TSGA10: variants seen among roughly 807,000 people sequenced by gnomAD.
TSGA10 encodes the protein testis-specific gene 10 protein.
In TSGA10, 43 loss-of-function variants were observed where a neutral mutation model predicts 96.6. The ratio of observed to expected loss-of-function variants is 0.44; its 90% confidence interval spans 0.35 to 0.57. The LOEUF (loss-of-function observed/expected upper bound fraction) is 0.57, where lower values mean the gene tolerates loss of function less well. Ranked by LOEUF, TSGA10 falls within the 20% of genes least tolerant of loss-of-function variation. The pLI is 0.01. For missense variants in TSGA10, 703 were observed against 834.4 expected, an observed-to-expected ratio of 0.84 and a Z score of 1.94; for synonymous variants, 229 against 269.9, an observed-to-expected ratio of 0.85 and a Z score of 1.48.
intron 11 of TSGA10, among the ~76,000 whole-genome samples, chr2:99,080,066 A>T (rs2087253744): frequency 6.6e-6 from 1 of 152,188 alleles, no homozygotes; most frequent in Non-Finnish European, 1.5e-5. Context: ...TCAACCTAAC[A>T]GCCCACTCAA....
chr2:99,047,882 A>AC (rs1272829451), intron 16 of TSGA10, among the ~76,000 whole-genome samples: 1 of 152,220 alleles, frequency 6.6e-6, no homozygotes, highest in Non-Finnish European at 1.5e-5. Context: ...GTCTCAGGAT[A>AC]GAAAATCAAT....
chr2:99,002,387 G>T (rs935924914), intron 20 of TSGA10, among the ~76,000 whole-genome samples: 1 of 152,194 alleles, frequency 6.6e-6, no homozygotes, highest in African/African-American at 2.4e-5. Flanking sequence ...GCCAAACTAA[G>T]CTTCGTAAGT....
At chr2:99,065,241 T>C in intron 15 of TSGA10, 117 bp from the exon 16 acceptor site, 3 of 1,083,524 alleles carry the variant, frequency 2.8e-6, no homozygotes, top group South Asian at 1.7e-5. Context: ...AATAGAACCC[T>C]GAGGAAATAT....
At chr2:99,143,025 TC>T (rs1473151171) in intron 1 of TSGA10, among the ~76,000 whole-genome samples, 1 of 152,076 alleles carries the variant, frequency 6.6e-6, no homozygotes, top group Non-Finnish European at 1.5e-5. Context: ...TCCTTTTTTT[TC>T]CTATCAAGAA....
At chr2:99,078,627 G>A in intron 12 of TSGA10, 32 bp downstream of exon 12, 2 of 1,569,908 alleles carry the variant, frequency 1.3e-6, no homozygotes, top group Middle Eastern at 1.7e-4. Flanking sequence ...TCATTTAAAC[G>A]TTTCTTATAA....
Position 98,997,296 on chromosome 2 carries a change from C to G in TSGA10, c.*901G>C, listed in dbSNP as rs1273376047. The G allele has an allele frequency of 1.3e-5, 2 of 151,720 alleles. No homozygotes were observed. Among genetic ancestry groups the G allele is most frequent in the Non-Finnish European group, 2.9e-5 (2 of 67,860 alleles). 9.4% of individuals were successfully genotyped at this position (151,720 alleles called of 1,614,324 possible). ...GACAAGCCTTTTTTTATTAAAATGGCAAGAATACAAATAGTTTATATCAGT... is the reference window on the plus strand; with the variant it reads ...GACAAGCCTTTTTTTATTAAAATGGGAAGAATACAAATAGTTTATATCAGT... On this transcript the variant is annotated 3_prime_UTR_variant, in exon 21 of 21. Coordinates refer to ENST00000393483, the MANE Select transcript of TSGA10 (RefSeq NM_025244.4).
intron 10 of TSGA10, among the ~76,000 whole-genome samples, chr2:99,087,120 C>T (rs1003214946): frequency 1.1e-4 from 16 of 151,878 alleles, no homozygotes; most frequent in African/African-American, 2.4e-5. Context: ...AAGAGAATGG[C>T]GTGAACCCGG....
chr2:99,007,803 T>A (rs571515245), intron 20 of TSGA10, among the ~76,000 whole-genome samples: 12 of 152,260 alleles, frequency 7.9e-5, no homozygotes, highest in African/African-American at 2.9e-4. Context: ...CTCCCCCTCC[T>A]CTCTTTGGAA....
intron 1 of TSGA10, chr2:99,147,506 G>C (rs1392428622): frequency 1.2e-6 from 2 of 1,613,194 alleles, no homozygotes; most frequent in Non-Finnish European, 1.7e-6. Flanking sequence ...AAGACTCACA[G>C]GGCCAAGTCT....
chr2:99,116,179 A>G (rs1252323655), intron 4 of TSGA10, among the ~76,000 whole-genome samples: 2 of 152,236 alleles, frequency 1.3e-5, no homozygotes, highest in African/African-American at 2.4e-5. Context: ...GTGATTAATA[A>G]AATCAAGACA....
intron 16 of TSGA10, among the ~76,000 whole-genome samples, chr2:99,050,342 T>A (rs1190327939): frequency 6.6e-6 from 1 of 152,158 alleles, no homozygotes. Flanking sequence ...TGACATGACA[T>A]TCAAAGGAAA....
In TSGA10 at chr2:99,109,401, T is replaced by C. The variant is rs1389121860; in HGVS notation, c.39A>G (p.Ser13=). Residue 13 remains serine, a synonymous_variant, in exon 6 of 21, where the codon TCA becomes TCG. Transcript: ENST00000393483. ...TTATAAAACCTACCCGGGCAGTTGG[T>C]GATGGGCGTCTTGGACTTTTAGACC... ...RSRSKSPRRP[S]PTARGANCDV... is the part of the protein sequence containing the mutation. 5.0e-6 allele frequency: 8 copies of C among 1,613,950 alleles called. No individual in the cohort carries two copies. Among genetic ancestry groups the C allele is most frequent in the Non-Finnish European group, 6.8e-6 (8 of 1,179,944 alleles).
At chr2:99,055,085 G>C (rs2083820708) in intron 16 of TSGA10, among the ~76,000 whole-genome samples, 1 of 152,188 alleles carries the variant, frequency 6.6e-6, no homozygotes, top group African/African-American at 2.4e-5. Flanking sequence ...ATTTACAATA[G>C]CCAAGATATG....
At chr2:99,000,750 G>C (rs1358630938) in intron 20 of TSGA10, among the ~76,000 whole-genome samples, 1 of 151,886 alleles carries the variant, frequency 6.6e-6, no homozygotes, top group African/African-American at 2.4e-5. Flanking sequence ...CCCTTTCCTA[G>C]TGCTCGGGAC....
chr2:99,097,347 G>A (rs979984285), intron 10 of TSGA10, among the ~76,000 whole-genome samples: 34 of 152,132 alleles, frequency 2.2e-4, no homozygotes, highest in African/African-American at 7.7e-4. Flanking sequence ...GGAATGAAGG[G>A]CAATGAAAAG....
At chr2:99,031,550 G>C (rs1193868721) in intron 17 of TSGA10, among the ~76,000 whole-genome samples, 1 of 152,104 alleles carries the variant, frequency 6.6e-6, no homozygotes, top group African/African-American at 2.4e-5. Context: ...ACCCTGTTAA[G>C]AGAATAAAAA....
intron 20 of TSGA10, among the ~76,000 whole-genome samples, chr2:99,010,556 A>T (rs1283882343): frequency 6.6e-6 from 1 of 152,212 alleles, no homozygotes; most frequent in Non-Finnish European, 1.5e-5. Context: ...ATAAAAGTAG[A>T]AGTAGCAGCA....
At chr2:99,137,754 T>C (rs899176786) in intron 1 of TSGA10, among the ~76,000 whole-genome samples, 1 of 152,006 alleles carries the variant, frequency 6.6e-6, no homozygotes, top group South Asian at 2.1e-4. Flanking sequence ...AACAAAAATA[T>C]AGAGAAGTGG....
intron 20 of TSGA10, among the ~76,000 whole-genome samples, chr2:99,003,181 G>C (rs2078106589): frequency 6.6e-6 from 1 of 152,048 alleles, no homozygotes; most frequent in Admixed American, 6.6e-5. Flanking sequence ...AACCAACAAA[G>C]ATCAAAAGAG....
Sources: allele counts gnomAD v4.1 joint callset (sites outside exome capture counted in the v4.1 genomes callset), GRCh38; gene constraint gnomAD v4.1.1; transcripts MANE v1.5; gene names NCBI Gene and HGNC (gene_info 2026-07-23, HGNC 2026-07-21).